Variants in ATRX observed in about 807,000 individuals in gnomAD.
The protein encoded by ATRX is ATRX chromatin remodeler.
In ATRX, 12 loss-of-function variants were observed where a neutral mutation model predicts 172.6. That is an observed-to-expected ratio of 0.07 (90% CI 0.04 to 0.11). ATRX has a LOEUF of 0.11. Among genes scored for constraint, ATRX ranks in the 10% least tolerant of loss-of-function variants. The probability of loss-of-function intolerance (pLI) is 1.00; values close to 1 mark genes in which losing one functional copy is unlikely to be tolerated. For synonymous variants in ATRX, 674 were observed against 594.7 expected (o/e 1.13, Z -1.94); for missense variants, 1,368 against 1,767.4 (o/e 0.77, Z 4.05).
chrX:77,606,319 G>A (rs1195842146), intron 22 of ATRX, among the ~76,000 whole-genome samples: 1 of 110,459 alleles, frequency 9.1e-6, no homozygotes, highest in African/African-American at 3.3e-5. Flanking sequence ...AAAATGAAAA[G>A]CCAGGTACCT....
At chrX:77,517,586 C>T (rs2063097024) in intron 34 of ATRX, among the ~76,000 whole-genome samples, 1 of 111,728 alleles carries the variant, frequency 9.0e-6, no homozygotes, top group African/African-American at 3.2e-5. Context: ...TGAATTTTAC[C>T]AAACGTTTAA....
At chrX:77,691,570 A>T (rs1211146086) in intron 6 of ATRX, among the ~76,000 whole-genome samples, 5 of 111,527 alleles carry the variant, frequency 4.5e-5, no homozygotes, top group East Asian at 5.6e-4. Flanking sequence ...AAAATTTTTT[A>T]AAAAATCAGC....
intron 28 of ATRX, among the ~76,000 whole-genome samples, chrX:77,570,805 T>C (rs1323927529): frequency 8.9e-6 from 1 of 111,748 alleles, no homozygotes; most frequent in African/African-American, 3.3e-5. Flanking sequence ...GCAAACCATA[T>C]ATCTGACAAA....
intron 1 of ATRX, among the ~76,000 whole-genome samples, chrX:77,783,973 A>T (rs2076652148): frequency 8.9e-6 from 1 of 112,617 alleles, no homozygotes; most frequent in Admixed American, 9.5e-5. Flanking sequence ...GTAACATTAT[A>T]AACAGCTACA....
intron 1 of ATRX, among the ~76,000 whole-genome samples, chrX:77,717,499 A>G (rs1381109907): frequency 2.8e-5 from 3 of 108,433 alleles, no homozygotes; most frequent in African/African-American, 1.0e-4. Flanking sequence ...GCTACTCAGG[A>G]GGCTGAGGTG....
chrX:77,623,237 G>A (rs1188263720), intron 19 of ATRX, among the ~76,000 whole-genome samples: 1 of 111,386 alleles, frequency 9.0e-6, no homozygotes, highest in African/African-American at 3.3e-5. Context: ...TAGTACAACT[G>A]ACACCACTGA....
intron 28 of ATRX, among the ~76,000 whole-genome samples, chrX:77,560,388 G>A (rs782756772): frequency 4.7e-4 from 52 of 110,423 alleles, no homozygotes; most frequent in South Asian, 3.0e-3. Flanking sequence ...AGTCAGGATA[G>A]TAACTGTATA....
intron 14 of ATRX, among the ~76,000 whole-genome samples, chrX:77,653,237 T>C (rs1312283939): frequency 2.7e-5 from 3 of 111,646 alleles, no homozygotes; most frequent in African/African-American, 9.8e-5. Flanking sequence ...GACTCAGATA[T>C]GTAAACACCC....
In ATRX at chrX:77,683,844, C is replaced by A. The variant is rs1557141731; in HGVS notation, c.1412G>T (p.Ser471Ile). 16 of 1,209,017 alleles carry A rather than the reference C, an allele frequency of 1.3e-5. No individual in the cohort carries two copies. The highest frequency in any genetic ancestry group is 1.8e-5 in the Non-Finnish European group (16 of 894,250). ...TGGAACATTCTGATGCATGTGCTCA[C>A]TATCTACCTGTTTTCTTGAAAGTTT... ...EAKLSRKQVD[S>I]EHMHQNVPTE... The change falls in exon 9 of 35, where the codon AGT (serine) becomes ATT (isoleucine). Residue 471 changes from serine (S) to isoleucine (I), a missense_variant. This residue lies in a region of ATRX where 843 missense variants were observed against 643.1 expected (regional missense o/e 1.31). Coordinates refer to ENST00000373344, the MANE Select transcript of ATRX (RefSeq NM_000489.6).
chrX:77,644,440 C>G (rs919174339), intron 15 of ATRX, among the ~76,000 whole-genome samples: 2 of 111,995 alleles, frequency 1.8e-5, no homozygotes, highest in African/African-American at 6.5e-5. Context: ...TGCAGAGTTG[C>G]CAAGTTACAA....
intron 30 of ATRX, among the ~76,000 whole-genome samples, chrX:77,544,641 T>C (rs782464526): frequency 4.4e-4 from 46 of 105,391 alleles, no homozygotes; most frequent in African/African-American, 1.4e-3. Flanking sequence ...TTGTTCAATT[T>C]CCACCTATGA....
At chrX:77,614,202 A>C (rs1569530895) in intron 22 of ATRX, among the ~76,000 whole-genome samples, 1 of 112,381 alleles carries the variant, frequency 8.9e-6, no homozygotes, top group Middle Eastern at 4.6e-3. Context: ...ACAAAATACC[A>C]AACATTTTAA....
chrX:77,533,712 A>C lies in ATRX; in HGVS notation c.6700-10311T>G, dbSNP rs1249712691. On this transcript the variant is annotated intron_variant, in intron 30 of 34. Coordinates refer to ENST00000373344, the MANE Select transcript of ATRX (RefSeq NM_000489.6). ...ACCTGGGTGATGGGATGATCTGTGC[A>C]GTAACCCACCATGGCACACATTTAC... Among the ~76,000 whole-genome samples the C allele has an allele frequency of 1.4e-4, 16 of 111,536 alleles. No homozygotes were observed. In the Admixed American group the frequency reaches 1.5e-3, roughly 11 times the overall value.
chrX:77,622,233 T>C (rs2067622598), intron 19 of ATRX, among the ~76,000 whole-genome samples: 1 of 111,964 alleles, frequency 8.9e-6, no homozygotes, highest in Admixed American at 9.5e-5. Context: ...GCACGGTTTG[T>C]TACGGAGGAA....
At chrX:77,657,078 A>T (rs1274225024) in intron 12 of ATRX, among the ~76,000 whole-genome samples, 2 of 111,722 alleles carry the variant, frequency 1.8e-5, no homozygotes, top group Non-Finnish European at 3.8e-5. Flanking sequence ...TCGGAAAGGG[A>T]AACAATAATA....
At chrX:77,597,050 G>A (rs1223000027) in intron 25 of ATRX, among the ~76,000 whole-genome samples, 1 of 111,080 alleles carries the variant, frequency 9.0e-6, no homozygotes, top group African/African-American at 3.3e-5. Context: ...AAGGCAGATT[G>A]GGGCAGCAGC....
chrX:77,520,619 A>G (rs1409719740), intron 34 of ATRX, among the ~76,000 whole-genome samples, 169 bp downstream of exon 34: 1 of 112,099 alleles, frequency 8.9e-6, no homozygotes, highest in Admixed American at 9.5e-5. Context: ...AACAAAATAT[A>G]TTACTTTTAC....
chrX:77,683,424 T>C lies in ATRX; in HGVS notation c.1832A>G (p.Asp611Gly). 1 of 1,210,320 alleles carries C rather than the reference T, an allele frequency of 8.3e-7. No individual in the cohort carries two copies. The highest frequency in any genetic ancestry group is 1.1e-6 in the Non-Finnish European group (1 of 893,973). The change falls in exon 9 of 35, where the codon GAT (aspartate) becomes GGT (glycine). Residue 611 changes from aspartate (D) to glycine (G), a missense_variant. By Grantham distance (94) the Asp-to-Gly change is moderately conservative. Coordinates refer to ENST00000373344, the MANE Select transcript of ATRX (RefSeq NM_000489.6). The part of the protein sequence containing the change: ...KGADCQEVPQ[D>G]KDGYKSCGLN... ...ACCACAACTTTTATAGCCATCTTTA[T>C]CTTGTGGAACTTCCTGACAATCAGC... is the stretch of plus-strand genomic sequence containing the variant.
intron 30 of ATRX, among the ~76,000 whole-genome samples, chrX:77,548,506 T>C (rs1456227335): frequency 7.2e-5 from 8 of 111,838 alleles, no homozygotes; most frequent in African/African-American, 2.6e-4. Context: ...ACAACAAATA[T>C]TAGGTTCACA....
Sources: gnomAD v4.1 joint callset for allele counts (sites outside exome capture counted in the v4.1 genomes callset) on GRCh38, gnomAD v4.1.1 for gene constraint, gnomAD v4.1.1 regional missense constraint, MANE v1.5 for transcripts, NCBI Gene and HGNC (gene_info 2026-07-23, HGNC 2026-07-21) for gene names.